The following CA13 variants were observed in gnomAD, a reference collection of about 807,000 sequenced individuals.
CA13 encodes the protein carbonic anhydrase 13.
Under a neutral mutation model 31.5 loss-of-function variants are expected in CA13, and 21 were observed. That is an observed-to-expected ratio of 0.67 (90% CI 0.47 to 0.96). The LOEUF (loss-of-function observed/expected upper bound fraction) is 0.96. CA13 is among the 40% of genes least tolerant of loss of function. The pLI, the probability that CA13 is intolerant of heterozygous loss-of-function variation, is 0.00. For synonymous variants in CA13, 117 were observed against 111.4 expected, an observed-to-expected ratio of 1.05 and a Z score of -0.32; for missense variants, 315 against 318.9, an observed-to-expected ratio of 0.99 and a Z score of 0.09.
At chr8:85,262,848 G>A (rs2129976147) in intron 3 of CA13, among the ~76,000 whole-genome samples, 2 of 152,068 alleles carry the variant, frequency 1.3e-5, no homozygotes, top group Middle Eastern at 6.8e-3. Context: ...GAGAGTGAGG[G>A]AGGGCAGGAT....
chr8:85,274,546 C>T (rs1370656940), intron 6 of CA13, among the ~76,000 whole-genome samples: 1 of 152,182 alleles, frequency 6.6e-6, no homozygotes, highest in Non-Finnish European at 1.5e-5. Context: ...TTTCCGTTAT[C>T]GTCTATGTTA....
chr8:85,278,413 A>C (rs549488020), intron 6 of CA13, among the ~76,000 whole-genome samples: 7 of 152,254 alleles, frequency 4.6e-5, no homozygotes, highest in African/African-American at 1.7e-4. Flanking sequence ...CCCTCCCAAA[A>C]CTGGCTTAGA....
At chr8:85,266,050 C>T (rs563948782) in intron 3 of CA13, among the ~76,000 whole-genome samples, 3 of 152,298 alleles carry the variant, frequency 2.0e-5, no homozygotes, top group Admixed American at 6.5e-5. Context: ...ATGGACTTTA[C>T]TGCCAGCCGG....
chr8:85,279,513 G>A lies in CA13; in HGVS notation c.670-1717G>A, dbSNP rs1297532603. On this transcript the variant is annotated intron_variant, in intron 6 of 6. Coordinates refer to ENST00000321764, the MANE Select transcript of CA13 (RefSeq NM_198584.3). ...GACTCTTACCAAAATACACAGGCTG[G>A]TCGGAGAAAGAGCTGAAGTCAGATC... 2.0e-5 allele frequency among the ~76,000 whole-genome samples: 3 copies of A among 152,330 alleles called. No homozygotes were observed. The South Asian group carries it at 6.2e-4, about 32-fold the overall frequency.
At chr8:85,266,327 A>T (rs760662230) in intron 3 of CA13, among the ~76,000 whole-genome samples, 9 of 152,158 alleles carry the variant, frequency 5.9e-5, no homozygotes, top group African/African-American at 9.7e-5. Flanking sequence ...AGTAGCTGGG[A>T]CTACAGTCAT....
intron 3 of CA13, among the ~76,000 whole-genome samples, chr8:85,262,878 T>C (rs2129976252): frequency 6.6e-6 from 1 of 152,026 alleles, no homozygotes; most frequent in Middle Eastern, 3.4e-3. Flanking sequence ...TAGGTTGAGA[T>C]AGGAAATGCA....
At chr8:85,254,277 C>CAAA (rs34034023) in intron 2 of CA13, among the ~76,000 whole-genome samples, 6 of 138,476 alleles carry the variant, frequency 4.3e-5, no homozygotes, top group African/African-American at 5.3e-5. Flanking sequence ...GATTCCATCT[C>CAAA]AAAAAAAAAA....
intron 1 of CA13, among the ~76,000 whole-genome samples, chr8:85,247,409 A>G (rs538200242): frequency 6.6e-6 from 1 of 152,278 alleles, no homozygotes; most frequent in East Asian, 1.9e-4. Context: ...GTGATTTTGT[A>G]TTTCTGTTAG....
At chr8:85,258,293 TAAG>T (rs1807328495) in intron 2 of CA13, among the ~76,000 whole-genome samples, 1 of 152,138 alleles carries the variant, frequency 6.6e-6, no homozygotes, top group South Asian at 2.1e-4. Flanking sequence ...TGTTTTCTAT[TAAG>T]AAGCTTTTCT....
intron 2 of CA13, among the ~76,000 whole-genome samples, chr8:85,254,659 A>G (rs746439958): frequency 6.6e-6 from 1 of 152,086 alleles, no homozygotes; most frequent in Non-Finnish European, 1.5e-5. Context: ...AGCTATGTAA[A>G]TATGGGTCAT....
chr8:85,270,901 T>G (rs1807518764), intron 6 of CA13, among the ~76,000 whole-genome samples: 2 of 152,190 alleles, frequency 1.3e-5, no homozygotes, highest in Non-Finnish European at 2.9e-5. Flanking sequence ...TGAGGCTCAA[T>G]GGATTACTAT....
rs1807738408 is a variant in CA13 at position 85,283,503 on chromosome 8, A to G, written c.*2154A>G. ...TTGAAATTAAATGCACTATAAGTTAATATAACAAGTAAAATACATTGTCTT... is the reference window on the plus strand; with the variant it reads ...TTGAAATTAAATGCACTATAAGTTAGTATAACAAGTAAAATACATTGTCTT... On this transcript the variant is annotated 3_prime_UTR_variant, in exon 7 of 7. Transcript: ENST00000321764. The G allele has an allele frequency of 6.6e-6, 1 of 152,664 alleles. No homozygotes were observed. Among genetic ancestry groups the G allele is most frequent in the Non-Finnish European group, 1.5e-5 (1 of 68,040 alleles). 9.5% of individuals were successfully genotyped at this position (152,664 alleles called of 1,614,324 possible). A position where few individuals can be genotyped will look rare whatever the true frequency, so the allele number is the denominator to read the frequency against.
Position 85,245,533 on chromosome 8 carries a change from C to G in CA13, c.-296C>G. On this transcript the variant is annotated 5_prime_UTR_variant, in exon 1 of 7. Coordinates refer to ENST00000321764, the MANE Select transcript of CA13 (RefSeq NM_198584.3). ...ACTCCTCAGAAGGCAGGAGATCCCCCCCGGAAACCTTTCTCTCTCCGTCTC... is the reference window on the plus strand; with the variant it reads ...ACTCCTCAGAAGGCAGGAGATCCCCGCCGGAAACCTTTCTCTCTCCGTCTC... The G allele has an allele frequency of 2.4e-6, 1 of 425,430 alleles. No individual in the cohort carries two copies. The highest frequency in any genetic ancestry group is 4.4e-5 in the Admixed American group (1 of 22,612). The allele number at this position is 425,430 out of a possible 1,614,324, so 26.4% of individuals were successfully genotyped here. A position where few individuals can be genotyped will look rare whatever the true frequency, so the allele number is the denominator to read the frequency against.
At chr8:85,256,612 A>T (rs1294863709) in intron 2 of CA13, among the ~76,000 whole-genome samples, 2 of 152,240 alleles carry the variant, frequency 1.3e-5, no homozygotes, top group African/African-American at 4.8e-5. Context: ...GTAGGTGGAC[A>T]TACCATAGGT....
intron 3 of CA13, among the ~76,000 whole-genome samples, chr8:85,264,824 T>C (rs1342673941): frequency 6.6e-6 from 1 of 152,242 alleles, no homozygotes; most frequent in Non-Finnish European, 1.5e-5. Context: ...ATGTCATCTG[T>C]CTCATGTGAG....
intron 6 of CA13, among the ~76,000 whole-genome samples, chr8:85,275,565 G>T (rs549224182): frequency 1.3e-5 from 2 of 152,224 alleles, no homozygotes; most frequent in East Asian, 3.9e-4. Flanking sequence ...TTGTATAAAG[G>T]GATGGAAATG....
At chr8:85,250,537 C>T (rs572811778) in intron 1 of CA13, among the ~76,000 whole-genome samples, 4 of 152,236 alleles carry the variant, frequency 2.6e-5, no homozygotes, top group Admixed American at 6.5e-5. Context: ...ACTTAAGGCA[C>T]ACCAAGAGTT....
At chr8:85,262,696 T>C (rs2129975733) in intron 3 of CA13, among the ~76,000 whole-genome samples, 1 of 152,226 alleles carries the variant, frequency 6.6e-6, no homozygotes, top group East Asian at 1.9e-4. Context: ...TGTTTGAGAA[T>C]AGATTGGATG....
At chr8:85,266,290 A>G (rs377710738) in intron 3 of CA13, among the ~76,000 whole-genome samples, 26 of 152,152 alleles carry the variant, frequency 1.7e-4, no homozygotes, top group African/African-American at 6.3e-4. Flanking sequence ...TCCTGGGTTC[A>G]AGTGATTCTC....
Sources: allele counts gnomAD v4.1 joint callset (sites outside exome capture counted in the v4.1 genomes callset), GRCh38; gene constraint gnomAD v4.1.1; transcripts MANE v1.5; gene names NCBI Gene and HGNC (gene_info 2026-07-23, HGNC 2026-07-21).